CADPS2: variants seen among roughly 807,000 people sequenced by gnomAD.
The protein encoded by CADPS2 is calcium dependent secretion activator 2, also known as calcium-dependent secretion activator 2.
In CADPS2, 93 loss-of-function variants were observed where a neutral mutation model predicts 172.5. That is an observed-to-expected ratio of 0.54 (90% CI 0.46 to 0.64). The LOEUF is 0.64. CADPS2 is among the 30% of genes least tolerant of loss of function. The probability of loss-of-function intolerance (pLI) is 0.00; values close to 1 mark genes in which losing one functional copy is unlikely to be tolerated. For synonymous variants in CADPS2, 546 were observed against 555.2 expected (o/e 0.98, Z 0.23); for missense variants, 1,420 against 1,565.9 (o/e 0.91, Z 1.57).
intron 28 of CADPS2, among the ~76,000 whole-genome samples, chr7:122,342,222 CCCAGAAGCAGATTTT>C (rs1400867245): frequency 6.6e-6 from 1 of 151,998 alleles, no homozygotes; most frequent in Non-Finnish European, 1.5e-5. Context: ...TGCAGAATAC[CCCAGAAGCAGATTTT>C]ATACGGTAAA....
rs1365967663 is a variant in CADPS2 at position 122,705,524 on chromosome 7, G to A, written c.453+31431C>T. On this transcript the variant is annotated intron_variant, in intron 2 of 29. Transcript: ENST00000449022. ...ATTATATATTATCTATATTTATATT[G>A]TGTATTATCTATATTATATATTATA... is the stretch of plus-strand genomic sequence containing the variant. Among the ~76,000 whole-genome samples, 7 of 104,384 alleles carry A rather than the reference G, an allele frequency of 6.7e-5. 1 individual carries two copies. Among genetic ancestry groups the A allele is most frequent in the South Asian group, 2.6e-4 (1 of 3,868 alleles). The allele number at this position is 104,384 out of a possible 152,430, so 68.5% of individuals were successfully genotyped here. A position where few individuals can be genotyped will look rare whatever the true frequency, so the allele number is the denominator to read the frequency against.
chr7:122,834,592 C>A (rs1434693561), intron 1 of CADPS2, among the ~76,000 whole-genome samples: 2 of 152,190 alleles, frequency 1.3e-5, no homozygotes, highest in South Asian at 2.1e-4. Context: ...CACCCTAATA[C>A]TGCACTTTTC....
intron 14 of CADPS2, among the ~76,000 whole-genome samples, chr7:122,459,189 T>C: frequency 6.6e-6 from 1 of 151,966 alleles, no homozygotes; most frequent in Middle Eastern, 3.4e-3. Flanking sequence ...TAAAATATAA[T>C]TTAAATATTC....
At chr7:122,839,908 G>C (rs1268842360) in intron 1 of CADPS2, among the ~76,000 whole-genome samples, 1 of 152,208 alleles carries the variant, frequency 6.6e-6, no homozygotes, top group East Asian at 1.9e-4. Flanking sequence ...AATACCATTT[G>C]ACCCAGCCAT....
intron 6 of CADPS2, among the ~76,000 whole-genome samples, chr7:122,598,617 A>C (rs938875740): frequency 6.6e-6 from 1 of 152,022 alleles, no homozygotes; most frequent in African/African-American, 2.4e-5. Flanking sequence ...GACTCATTTA[A>C]CTTTCTCATG....
chr7:122,413,101 T>C (rs2047500240), intron 19 of CADPS2: 2 of 152,508 alleles, frequency 1.3e-5, no homozygotes, highest in South Asian at 4.1e-4. Context: ...CTCAACTTTC[T>C]TGGGTCTGTT....
intron 3 of CADPS2, among the ~76,000 whole-genome samples, chr7:122,641,781 T>C (rs2471199): frequency 0.53 from 80,630 of 151,662 alleles, 21,694 homozygotes; most frequent in East Asian, 0.72. Flanking sequence ...ATGTTTTCTA[T>C]ACCTACAGTA....
In CADPS2 at chr7:122,876,056, C is replaced by T. The variant is rs139506128; in HGVS notation, c.339+9943G>A. Among the ~76,000 whole-genome samples the T allele has an allele frequency of 2.2e-3, 341 of 152,308 alleles. 1 individual carries two copies. Among genetic ancestry groups the T allele is most frequent in the African/African-American group, 8.0e-3 (334 of 41,574 alleles). On this transcript the variant is annotated intron_variant, in intron 1 of 29. Coordinates refer to ENST00000449022, the MANE Select transcript of CADPS2 (RefSeq NM_017954.11). ...TGGAATCTGGCCAGGTACAGTGGCT[C>T]ATGCCTGTAATCCCAGCACTTTGGG...
intron 1 of CADPS2, among the ~76,000 whole-genome samples, chr7:122,737,473 T>C (rs963108261): frequency 1.3e-5 from 2 of 152,294 alleles, no homozygotes; most frequent in Admixed American, 1.3e-4. Flanking sequence ...GGCCTCCCAG[T>C]GTGCTGGGAT....
chr7:122,871,569 G>C (rs1300545587), intron 1 of CADPS2, among the ~76,000 whole-genome samples: 1 of 151,924 alleles, frequency 6.6e-6, no homozygotes, highest in East Asian at 1.9e-4. Flanking sequence ...CTCTGCTAAA[G>C]AAAGAAAGGC....
At chr7:122,350,379 CTATT>C (rs1189636625) in intron 27 of CADPS2, among the ~76,000 whole-genome samples, 3 of 152,104 alleles carry the variant, frequency 2.0e-5, no homozygotes, top group African/African-American at 7.2e-5. Flanking sequence ...TTTTCTTTCA[CTATT>C]TAATATATCT....
chr7:122,779,338 C>T (rs529775677), intron 1 of CADPS2, among the ~76,000 whole-genome samples: 15 of 152,240 alleles, frequency 9.9e-5, no homozygotes, highest in African/African-American at 3.1e-4. Context: ...CTACTGGTCT[C>T]ATTTTGGATC....
At chr7:122,513,102 C>A in intron 9 of CADPS2, 147 bp downstream of exon 9, 1 of 582,200 alleles carries the variant, frequency 1.7e-6, no homozygotes, top group South Asian at 2.4e-5. Flanking sequence ...TTAGTGTTAG[C>A]ATGTAATGAA....
chr7:122,441,637 T>G, intron 15 of CADPS2, 62 bp from the exon 16 acceptor site: 2 of 1,029,380 alleles, frequency 1.9e-6, no homozygotes, highest in Non-Finnish European at 2.8e-6. Context: ...TGCTAAATAA[T>G]TCCTGCTTGT....
Position 122,702,565 on chromosome 7 carries a change from G to T in CADPS2, c.453+34390C>A, listed in dbSNP as rs779498986. On this transcript the variant is annotated intron_variant, in intron 2 of 29. Transcript: ENST00000449022. ...CCCTTTCCAGAGGAGAATGATTCCC[G>T]AACACTCCACTCTCTCCTAATTCCG... 8.1e-6 allele frequency: 13 copies of T among 1,613,310 alleles called. No homozygotes were observed. The highest frequency in any genetic ancestry group is 1.1e-5 in the Non-Finnish European group (13 of 1,179,618).
chr7:122,769,843 TAAACCACAAATGGCTGCTGTGATAA>T (rs1360677585), intron 1 of CADPS2, among the ~76,000 whole-genome samples: 4 of 152,154 alleles, frequency 2.6e-5, no homozygotes, highest in Non-Finnish European at 2.9e-5. Context: ...CTTAACCCCC[TAAACCACAAATGGCTGCTGTGATAA>T]AAACCACAAA....
At chr7:122,733,162 A>G (rs1010902475) in intron 2 of CADPS2, among the ~76,000 whole-genome samples, 1 of 151,822 alleles carries the variant, frequency 6.6e-6, no homozygotes, top group Admixed American at 6.6e-5. Context: ...TGCTTCATAT[A>G]TATCTAGCAT....
chr7:122,801,981 T>C (rs1184411383), intron 1 of CADPS2, among the ~76,000 whole-genome samples: 1 of 152,116 alleles, frequency 6.6e-6, no homozygotes, highest in Admixed American at 6.5e-5. Context: ...AAAGTATTAC[T>C]TAAAAATCTC....
At chr7:122,587,606 T>C (rs2133086133) in intron 6 of CADPS2, among the ~76,000 whole-genome samples, 1 of 152,320 alleles carries the variant, frequency 6.6e-6, no homozygotes, top group South Asian at 2.1e-4. Context: ...AACAGAATGA[T>C]TTATATTCCT....
Sources: gnomAD v4.1 joint callset for allele counts (sites outside exome capture counted in the v4.1 genomes callset) on GRCh38, gnomAD v4.1.1 for gene constraint, MANE v1.5 for transcripts, NCBI Gene and HGNC (gene_info 2026-07-23, HGNC 2026-07-21) for gene names.